The following KIAA1217 variants were observed in gnomAD, a reference collection of about 807,000 sequenced individuals.
KIAA1217 encodes sickle tail protein homolog.
Under a neutral mutation model 163.9 loss-of-function variants are expected in KIAA1217, and 88 were observed. That is an observed-to-expected ratio of 0.54 (90% confidence interval 0.45 to 0.64). KIAA1217 has a LOEUF of 0.64. Ranked by LOEUF, KIAA1217 falls within the 30% of genes least tolerant of loss-of-function variation. The pLI is 0.00. For missense variants in KIAA1217, 2,372 were observed against 2,475.0 expected (o/e 0.96, Z 0.88); for synonymous variants, 903 against 923.1 (o/e 0.98, Z 0.39).
chr10:23,887,622 T>A (rs1477142218), intron 1 of KIAA1217, among the ~76,000 whole-genome samples: 7 of 151,908 alleles, frequency 4.6e-5, no homozygotes, highest in Non-Finnish European at 8.8e-5. Flanking sequence ...ACATTCTCGG[T>A]TTCTTTTAAA....
chr10:24,265,028 TTTG>T (rs1014797410), intron 2 of KIAA1217, among the ~76,000 whole-genome samples: 17 of 152,098 alleles, frequency 1.1e-4, no homozygotes, highest in South Asian at 4.1e-4. Context: ...CTGCTAAATT[TTTG>T]TTGTTGTTGT....
intron 1 of KIAA1217, among the ~76,000 whole-genome samples, chr10:23,883,698 G>A (rs745787114): frequency 1.3e-5 from 2 of 151,886 alleles, no homozygotes; most frequent in Non-Finnish European, 2.9e-5. Flanking sequence ...TGGAATAAAT[G>A]TATAATGACA....
intron 5 of KIAA1217, among the ~76,000 whole-genome samples, chr10:24,455,056 G>A (rs977995947): frequency 2.0e-5 from 3 of 151,950 alleles, no homozygotes; most frequent in Non-Finnish European, 4.4e-5. Context: ...TGGCAACCTC[G>A]GGCTATAATT....
chr10:23,840,148 G>C (rs1309058998), intron 1 of KIAA1217, among the ~76,000 whole-genome samples: 1 of 150,852 alleles, frequency 6.6e-6, no homozygotes, highest in African/African-American at 2.5e-5. Context: ...CAATGCTCTT[G>C]TAATTACGCT....
At chr10:24,220,443 C>G (rs2069425284) in intron 2 of KIAA1217, among the ~76,000 whole-genome samples, 1 of 122,120 alleles carries the variant, frequency 8.2e-6, no homozygotes, top group Non-Finnish European at 1.6e-5. Flanking sequence ...TGTTTCTGCT[C>G]TTCTTTTTTT....
chr10:24,321,052 A>G (rs1333268342), intron 2 of KIAA1217, among the ~76,000 whole-genome samples: 1 of 146,224 alleles, frequency 6.8e-6, no homozygotes, highest in Non-Finnish European at 1.5e-5. Flanking sequence ...ATCTCAAAAA[A>G]AAAACAAAAA....
intron 2 of KIAA1217, among the ~76,000 whole-genome samples, chr10:24,119,089 G>T (rs867355771): frequency 1.3e-5 from 2 of 152,200 alleles, no homozygotes; most frequent in South Asian, 4.1e-4. Flanking sequence ...TGAGTTTTCT[G>T]CTGTGAACAC....
chr10:24,448,170 A>G (rs1433369956), intron 5 of KIAA1217, among the ~76,000 whole-genome samples: 1 of 152,156 alleles, frequency 6.6e-6, no homozygotes, highest in Non-Finnish European at 1.5e-5. Context: ...AAGAATAACA[A>G]TAAAGAAAAA....
intron 2 of KIAA1217, among the ~76,000 whole-genome samples, chr10:24,041,976 C>G (rs1238168673): frequency 6.6e-6 from 1 of 151,936 alleles, no homozygotes; most frequent in South Asian, 2.1e-4. Flanking sequence ...TTCATATTCC[C>G]TATTGCAGCA....
intron 2 of KIAA1217, among the ~76,000 whole-genome samples, chr10:24,186,685 G>A (rs962255189): frequency 6.6e-6 from 1 of 152,122 alleles, no homozygotes; most frequent in East Asian, 1.9e-4. Flanking sequence ...GAGGTCAGGA[G>A]TTGAAGACCA....
intron 2 of KIAA1217, among the ~76,000 whole-genome samples, chr10:24,262,224 A>C (rs1333909233): frequency 1.3e-5 from 2 of 152,206 alleles, no homozygotes; most frequent in African/African-American, 4.8e-5. Flanking sequence ...TCAAGGTGAA[A>C]TAGTGGCTGA....
intron 5 of KIAA1217, among the ~76,000 whole-genome samples, chr10:24,454,982 G>A (rs576756127): frequency 3.3e-5 from 5 of 151,406 alleles, no homozygotes; most frequent in South Asian, 2.1e-4. Context: ...AGACCAAGGA[G>A]CCTATTAGCT....
In KIAA1217 at chr10:24,544,032, G is replaced by T. The variant is rs1290862043; in HGVS notation, c.4762G>T (p.Ala1588Ser). ...PKKQLAALTQ[A>S]IRTGTKTGKK... ...GAAGCAACTCGCCGCTCTCACTCAA[G>T]CCATTCGCACCGGAACTAAAACAGG... The change falls in exon 19 of 21, where the codon GCC (alanine) becomes TCC (serine). Residue 1588 changes from alanine (A) to serine (S), a missense_variant. This residue lies in a region of KIAA1217 where 690 missense variants were observed against 677.5 expected (regional missense o/e 1.02). Transcript: ENST00000376454. The T allele has an allele frequency of 2.5e-6, 4 of 1,614,032 alleles. No homozygotes were observed. The highest frequency in any genetic ancestry group is 3.4e-6 in the Non-Finnish European group (4 of 1,180,046).
intron 2 of KIAA1217, among the ~76,000 whole-genome samples, chr10:24,090,370 G>A (rs12267344): frequency 0.075 from 8,729 of 116,566 alleles, 494 homozygotes; most frequent in Middle Eastern, 0.18. Context: ...TGAAGAGACA[G>A]GGTCTTGCTA....
chr10:24,157,858 C>T, intron 2 of KIAA1217: 1 of 551,310 alleles, frequency 1.8e-6, no homozygotes, highest in Non-Finnish European at 3.3e-6. Context: ...CCATGGAACT[C>T]CAGGTGCCTG....
intron 2 of KIAA1217, among the ~76,000 whole-genome samples, chr10:24,323,859 C>T (rs572812567): frequency 2.8e-5 from 4 of 142,380 alleles, no homozygotes; most frequent in South Asian, 2.2e-4. Flanking sequence ...GGTTTTTTTT[C>T]GTATTTCTTC....
At chr10:23,886,182 G>A (rs923695866) in intron 1 of KIAA1217, among the ~76,000 whole-genome samples, 1 of 151,906 alleles carries the variant, frequency 6.6e-6, no homozygotes, top group African/African-American at 2.4e-5. Context: ...TAGGAAAAAA[G>A]CTGACCCTGT....
intron 1 of KIAA1217, among the ~76,000 whole-genome samples, chr10:23,841,532 T>C (rs1838783405): frequency 6.6e-6 from 1 of 152,156 alleles, no homozygotes; most frequent in African/African-American, 2.4e-5. Flanking sequence ...TTTTTATGTA[T>C]GCTATTCATG....
intron 1 of KIAA1217, among the ~76,000 whole-genome samples, chr10:23,802,638 G>C (rs1034288): frequency 1.3e-5 from 2 of 152,082 alleles, no homozygotes; most frequent in Non-Finnish European, 2.9e-5. Flanking sequence ...AGAAATGCCA[G>C]TTATCTTTTG....
Sources: gnomAD v4.1 joint callset for allele counts (sites outside exome capture counted in the v4.1 genomes callset) on GRCh38, gnomAD v4.1.1 for gene constraint, gnomAD v4.1.1 regional missense constraint, MANE v1.5 for transcripts, NCBI Gene and HGNC (gene_info 2026-07-23, HGNC 2026-07-21) for gene names.